Variants in SIRT5 observed in about 807,000 individuals in gnomAD.
The protein encoded by SIRT5 is sirtuin 5.
Under a neutral mutation model 40.0 loss-of-function variants are expected in SIRT5, and 26 were observed. The ratio of observed to expected loss-of-function variants is 0.65; its 90% CI spans 0.48 to 0.90. SIRT5 has a LOEUF of 0.90. Ranked by LOEUF, SIRT5 falls within the 40% of genes least tolerant of loss-of-function variation. SIRT5 has a pLI of 0.00. For missense variants in SIRT5, 401 were observed against 402.4 expected, an observed-to-expected ratio of 1.00 and a Z score of 0.03; for synonymous variants, 146 against 149.1, an observed-to-expected ratio of 0.98 and a Z score of 0.15.
chr6:13,599,065 A>G lies in SIRT5; in HGVS notation c.651A>G (p.Arg217=). The change falls in exon 8 of 10, where the codon CGA becomes CGG. Residue 217 remains arginine, a synonymous_variant. Transcript: ENST00000606117. ...AGGCAGGCTGCGGGGGCTTGCTGCG[A>G]CCTCACGTCGTGTGGTTTGGAGAAA... ...CEEAGCGGLL[R]PHVVWFGENL... 1 of 1,613,854 alleles carries G rather than the reference A, an allele frequency of 6.2e-7. No individual in the cohort carries two copies. The highest frequency in any genetic ancestry group is 8.5e-7 in the Non-Finnish European group (1 of 1,179,966).
intron 6 of SIRT5, 95 bp downstream of exon 6, chr6:13,595,659 T>G (rs1761475771): frequency 1.0e-6 from 1 of 970,532 alleles, no homozygotes; most frequent in Admixed American, 1.8e-5. Context: ...AAGATTCCCA[T>G]GGATATTTAT....
chr6:13,586,857 C>T (rs932385276), intron 3 of SIRT5, among the ~76,000 whole-genome samples: 33 of 152,144 alleles, frequency 2.2e-4, no homozygotes, highest in Non-Finnish European at 4.4e-4. Context: ...TAGGATGCCC[C>T]TTATGGCTGG....
At chr6:13,591,361 G>A (rs538501217) in intron 4 of SIRT5, among the ~76,000 whole-genome samples, 2 of 152,230 alleles carry the variant, frequency 1.3e-5, no homozygotes, top group Non-Finnish European at 2.9e-5. Flanking sequence ...CTTCCTGCAT[G>A]TTCCTTTACT....
Position 13,612,000 on chromosome 6 carries a change from C to A in SIRT5, c.*135C>A. ...TCTGATTCCCTCGCTGGAATCCAAC[C>A]TGTTGATAAGTGATGGGGGTTTAGA... On this transcript the variant is annotated 3_prime_UTR_variant, in exon 10 of 10. Coordinates refer to ENST00000606117, the MANE Select transcript of SIRT5 (RefSeq NM_012241.5). 1 of 761,016 alleles carries A rather than the reference C, an allele frequency of 1.3e-6. No individual in the cohort carries two copies. The highest frequency in any genetic ancestry group is 2.1e-6 in the Non-Finnish European group (1 of 466,250). 47.1% of individuals were successfully genotyped at this position (761,016 alleles called of 1,614,324 possible).
intron 9 of SIRT5, among the ~76,000 whole-genome samples, chr6:13,611,456 A>AT (rs1186264199): frequency 6.6e-6 from 1 of 151,876 alleles, no homozygotes; most frequent in Non-Finnish European, 1.5e-5. Flanking sequence ...CTTTACTTGC[A>AT]TAGGTTCTCA....
At chr6:13,587,123 C>T (rs75603749) in intron 3 of SIRT5, among the ~76,000 whole-genome samples, 1,782 of 147,660 alleles carry the variant, frequency 0.012, 25 homozygotes, top group Non-Finnish European at 0.015. Context: ...TGCTTTAACA[C>T]AGGGTGGCCA....
chr6:13,586,636 A>G (rs1170895107), intron 3 of SIRT5, among the ~76,000 whole-genome samples: 4 of 152,090 alleles, frequency 2.6e-5, no homozygotes, highest in East Asian at 3.9e-4. Context: ...CAAAACATGA[A>G]TGGAGCCAGA....
rs185406908 is a variant in SIRT5, at chr6:13,588,919, T to A, written c.249+455T>A. On this transcript the variant is annotated intron_variant, in intron 4 of 9. Transcript: ENST00000606117. ...AGTTCTGTGAAGGTGCGGATTTTTT[T>A]AATTCAATTTTTATTGAGATCTAAT... 3.1e-3 allele frequency: 480 copies of A among 154,930 alleles called. 3 individuals are homozygous for A. Among genetic ancestry groups the A allele is most frequent in the South Asian group, 1.0e-2 (50 of 5,008 alleles). 9.6% of individuals were successfully genotyped at this position (154,930 alleles called of 1,614,324 possible).
At chr6:13,581,209 T>C (rs1485335081) in intron 2 of SIRT5, among the ~76,000 whole-genome samples, 1 of 152,234 alleles carries the variant, frequency 6.6e-6, no homozygotes, top group Non-Finnish European at 1.5e-5. Flanking sequence ...CTAATGTCCC[T>C]TTTCAGGTCT....
intron 5 of SIRT5, among the ~76,000 whole-genome samples, chr6:13,594,973 A>G (rs1285596999): frequency 1.3e-5 from 2 of 152,238 alleles, no homozygotes; most frequent in Non-Finnish European, 2.9e-5. Flanking sequence ...ACGCCATTGA[A>G]CCTTTGTCAG....
At chr6:13,603,481 T>C (rs1244525232) in intron 9 of SIRT5, among the ~76,000 whole-genome samples, 1 of 152,142 alleles carries the variant, frequency 6.6e-6, no homozygotes, top group Non-Finnish European at 1.5e-5. Flanking sequence ...CCAATAAGCA[T>C]ATTGAAATGA....
chr6:13,588,761 C>G lies in SIRT5; in HGVS notation c.249+297C>G, dbSNP rs78970081. Reference sequence around the variant, plus strand: ...AGACCTTGGTTAGCATCATTCATTACTTTATTCTAAAATTATTGAACTCAA... The same window carrying G: ...AGACCTTGGTTAGCATCATTCATTAGTTTATTCTAAAATTATTGAACTCAA... On this transcript the variant is annotated intron_variant, in intron 4 of 9. Transcript: ENST00000606117. Among the ~76,000 whole-genome samples the G allele has an allele frequency of 1.4e-4, 21 of 152,298 alleles. No homozygotes were observed. The East Asian group carries it at 4.0e-3, about 29-fold the overall frequency.
At chr6:13,587,248 T>A in intron 3 of SIRT5, among the ~76,000 whole-genome samples, 1 of 152,182 alleles carries the variant, frequency 6.6e-6, no homozygotes, top group East Asian at 1.9e-4. Context: ...GAAAAGGGGC[T>A]CTCTGTTCTC....
At chr6:13,592,937 TG>T (rs1761125291) in intron 5 of SIRT5, among the ~76,000 whole-genome samples, 1 of 134,286 alleles carries the variant, frequency 7.4e-6, no homozygotes, top group Non-Finnish European at 1.6e-5. Flanking sequence ...TTTTTAGCAA[TG>T]GGGGTTTCAC....
In SIRT5 at chr6:13,593,053, A is replaced by G. The variant is rs145638185; in HGVS notation, c.475+1159A>G. ...CTCAGCCTCCAGAGTAGCTGGGACTACAGGCACATGCCACCATGCCCAGCT... is the reference window on the plus strand; with the variant it reads ...CTCAGCCTCCAGAGTAGCTGGGACTGCAGGCACATGCCACCATGCCCAGCT... On this transcript the variant is annotated intron_variant, in intron 5 of 9. Coordinates refer to ENST00000606117, the MANE Select transcript of SIRT5 (RefSeq NM_012241.5). Among the ~76,000 whole-genome samples, 517 of 151,928 alleles carry G rather than the reference A, an allele frequency of 3.4e-3. 5 individuals carry two copies. The highest frequency in any genetic ancestry group is 3.2e-3 in the Non-Finnish European group (215 of 67,972).
chr6:13,588,795 CAT>C (rs1238396880), intron 4 of SIRT5, among the ~76,000 whole-genome samples: 4 of 152,186 alleles, frequency 2.6e-5, no homozygotes, highest in Non-Finnish European at 5.9e-5. Context: ...AAGTATGACA[CAT>C]AAAGTTTCTG....
chr6:13,604,342 G>C lies in SIRT5; in HGVS notation c.857+3393G>C, dbSNP rs1019828011. 13 of 725,176 alleles carry C rather than the reference G, an allele frequency of 1.8e-5. No individual in the cohort carries two copies. In the African/African-American group the frequency reaches 2.2e-4, roughly 12 times the overall value. 44.9% of individuals were successfully genotyped at this position (725,176 alleles called of 1,614,324 possible). A position where few individuals can be genotyped will look rare whatever the true frequency, so the allele number is the denominator to read the frequency against. ...AGCATGACTAAGCGTAGTAATACCG[G>C]AGCTAGGCAGCTCAAGCCTCCTGTC... On this transcript the variant is annotated intron_variant, in intron 9 of 9. Transcript: ENST00000606117.
chr6:13,582,964 G>A (rs1562262699), intron 2 of SIRT5, among the ~76,000 whole-genome samples: 2 of 152,110 alleles, frequency 1.3e-5, no homozygotes, highest in African/African-American at 2.4e-5. Context: ...CCAGCACTTC[G>A]GGAGGCCTAG....
intron 9 of SIRT5, among the ~76,000 whole-genome samples, 190 bp from the exon 10 acceptor site, chr6:13,611,600 A>G (rs1763940111): frequency 6.6e-6 from 1 of 152,136 alleles, no homozygotes; most frequent in Admixed American, 6.5e-5. Context: ...CCCAGCCCAT[A>G]GTGAAGTGTT....
Sources: gnomAD v4.1 joint callset for allele counts (sites outside exome capture counted in the v4.1 genomes callset) on GRCh38, gnomAD v4.1.1 for gene constraint, MANE v1.5 for transcripts, NCBI Gene and HGNC (gene_info 2026-07-23, HGNC 2026-07-21) for gene names.